The following SASH1 variants were observed in gnomAD, a reference collection of about 807,000 sequenced individuals.
The protein encoded by SASH1 is SAM and SH3 domain containing 1, also known as SAM and SH3 domain-containing protein 1.
SASH1 carries 44 observed loss-of-function variants against 125.2 expected under a neutral mutation model. That is an observed-to-expected ratio of 0.35 (90% CI 0.28 to 0.45). The LOEUF is 0.45. Among genes scored for constraint, SASH1 ranks in the 20% least tolerant of loss-of-function variants. SASH1 has a pLI of 1.00. For missense variants in SASH1, 1,426 were observed against 1,614.5 expected (o/e 0.88, Z 2.00); for synonymous variants, 639 against 649.1 (o/e 0.98, Z 0.24).
the SASH1 span, among the ~76,000 whole-genome samples, chr6:148,208,842 T>C: frequency 6.6e-6 from 1 of 152,200 alleles, no homozygotes; most frequent in Non-Finnish European, 1.5e-5. Context: ...CTGAATACGG[T>C]TACTAATAAG....
intron 4 of SASH1, among the ~76,000 whole-genome samples, chr6:148,461,967 A>G (rs754362619): frequency 1.1e-4 from 17 of 152,308 alleles, no homozygotes; most frequent in Non-Finnish European, 1.6e-4. Context: ...AAGCCCTTCA[A>G]CCTTTTAACC....
At chr6:148,385,210 T>C (rs1349823580) in intron 1 of SASH1, among the ~76,000 whole-genome samples, 1 of 152,120 alleles carries the variant, frequency 6.6e-6, no homozygotes, top group African/African-American at 2.4e-5. Flanking sequence ...TTATGGCATG[T>C]TGTAGGGTGT....
intron 1 of SASH1, among the ~76,000 whole-genome samples, chr6:148,296,646 C>T (rs919972652): frequency 5.3e-5 from 8 of 152,102 alleles, no homozygotes; most frequent in South Asian, 2.1e-4. Context: ...CTGCTCTGTC[C>T]GACTCAAAAG....
At chr6:148,429,410 A>G (rs913341050) in intron 2 of SASH1, among the ~76,000 whole-genome samples, 2 of 126,366 alleles carry the variant, frequency 1.6e-5, no homozygotes, top group East Asian at 4.9e-4. Context: ...AAAAAAAAAA[A>G]AAGAGGAAGG....
At chr6:148,417,582 A>AAAAAAAAAAAAAAAT (rs139692415) in intron 2 of SASH1, among the ~76,000 whole-genome samples, 3 of 147,694 alleles carry the variant, frequency 2.0e-5, no homozygotes, top group African/African-American at 7.5e-5. Context: ...GGACTCTGTC[A>AAAAAAAAAAAAAAAT]AAATAAATAA....
chr6:148,519,864 A>G lies in SASH1; in HGVS notation c.1180A>G (p.Lys394Glu). ...VSRSLTEGEM[K>E]KGLGSLSHGR... is the part of the protein sequence containing the mutation. The stretch of plus-strand genomic sequence containing the variant: ...CCGCTCCCTCACCGAGGGGGAGATG[A>G]AGAAGGGTCTCGGGTCCCTAAGCCA... The change falls in exon 10 of 20, where the codon AAG becomes GAG. Residue 394 changes from lysine (K) to glutamate (E), a missense_variant. Transcript: ENST00000367467. This position sits in a 1 kb window ranked among gnomAD's most constrained non-coding sequence, Gnocchi z 4.8. The G allele has an allele frequency of 6.3e-7, 1 of 1,595,508 alleles. No individual in the cohort carries two copies. The highest frequency in any genetic ancestry group is 8.5e-7 in the Non-Finnish European group (1 of 1,172,084).
Position 148,550,873 on chromosome 6 carries a change from G to A in SASH1, c.*2315G>A, listed in dbSNP as rs1424653471. 4.6e-5 allele frequency: 7 copies of A among 152,278 alleles called. No individual in the cohort carries two copies. The highest frequency in any genetic ancestry group is 7.2e-5 in the African/African-American group (3 of 41,452). The allele number at this position is 152,278 out of a possible 1,614,324, so 9.4% of individuals were successfully genotyped here. A position where few individuals can be genotyped will look rare whatever the true frequency, so the allele number is the denominator to read the frequency against. On this transcript the variant is annotated 3_prime_UTR_variant, in exon 20 of 20. Transcript: ENST00000367467. ...GTAAGAGATGAGATAACAAAGGAGC[G>A]AGAGAAATCTCATGTGAATTTCCAA...
intron 1 of SASH1, among the ~76,000 whole-genome samples, chr6:148,360,755 G>A (rs1424148520): frequency 6.6e-6 from 1 of 152,090 alleles, no homozygotes; most frequent in Non-Finnish European, 1.5e-5. Flanking sequence ...TATGGAGCAT[G>A]GACTATGTGT....
At chr6:148,513,351 G>A (rs777390722) in intron 8 of SASH1, 603 of 985,352 alleles carry the variant, frequency 6.1e-4, no homozygotes, top group Non-Finnish European at 6.8e-4. Context: ...AGGGTGTGCC[G>A]AGGCGGCTGC....
chr6:148,365,284 CA>C (rs1583029048), intron 1 of SASH1, among the ~76,000 whole-genome samples: 1 of 152,274 alleles, frequency 6.6e-6, no homozygotes, highest in African/African-American at 2.4e-5. Context: ...GTTGACATTG[CA>C]AAATCAGTAT....
intron 8 of SASH1, among the ~76,000 whole-genome samples, chr6:148,497,074 A>G (rs1270032451): frequency 1.3e-5 from 2 of 152,150 alleles, no homozygotes; most frequent in Non-Finnish European, 1.5e-5. Context: ...TGATTCTGAA[A>G]CTAAAATGAT....
intron 1 of SASH1, among the ~76,000 whole-genome samples, chr6:148,354,776 C>T (rs183729222): frequency 1.3e-5 from 2 of 152,070 alleles, no homozygotes; most frequent in East Asian, 3.9e-4. Flanking sequence ...ATTTTATTTT[C>T]CCGCGAGATG....
At chr6:148,249,092 A>ATGAG in the SASH1 span, among the ~76,000 whole-genome samples, 2 of 151,566 alleles carry the variant, frequency 1.3e-5, no homozygotes, top group African/African-American at 4.9e-5. Context: ...GAATGAATGA[A>ATGAG]TGAGTGACTA....
chr6:148,217,212 C>T, the SASH1 span, among the ~76,000 whole-genome samples: 2 of 152,330 alleles, frequency 1.3e-5, no homozygotes, highest in South Asian at 4.1e-4. Flanking sequence ...TGAATAGCAA[C>T]CTAGACAGAC....
chr6:148,356,547 T>TCAAAC, intron 1 of SASH1, among the ~76,000 whole-genome samples: 1 of 142,244 alleles, frequency 7.0e-6, no homozygotes, highest in African/African-American at 2.6e-5. Context: ...TTGGCTCACC[T>TCAAAC]CAAACTCTGC....
At chr6:148,280,092 GA>G (rs1000872388) in intron 1 of SASH1, among the ~76,000 whole-genome samples, 8 of 123,008 alleles carry the variant, frequency 6.5e-5, no homozygotes, top group African/African-American at 1.6e-4. Flanking sequence ...CATAACAAAA[GA>G]AAAAAAAGAT....
At chr6:148,199,594 A>G in the SASH1 span, among the ~76,000 whole-genome samples, 88 of 152,152 alleles carry the variant, frequency 5.8e-4, no homozygotes, top group African/African-American at 2.1e-3. Flanking sequence ...GCTATTCGGC[A>G]GGCGGAGGCA....
chr6:148,491,290 G>A (rs1779096204), intron 8 of SASH1, among the ~76,000 whole-genome samples: 1 of 152,128 alleles, frequency 6.6e-6, no homozygotes, highest in African/African-American at 2.4e-5. Flanking sequence ...TTGTTGTTGA[G>A]ACGGAGTCTC....
chr6:148,548,084 G>A (rs1000817898), intron 19 of SASH1, among the ~76,000 whole-genome samples: 1 of 152,164 alleles, frequency 6.6e-6, no homozygotes, highest in African/African-American at 2.4e-5. Context: ...CAACACCTTC[G>A]AGAACCTTGT....
Sources: allele counts gnomAD v4.1 joint callset (sites outside exome capture counted in the v4.1 genomes callset), GRCh38; gene constraint gnomAD v4.1.1; non-coding constraint Gnocchi (gnomAD v3.1); transcripts MANE v1.5; gene names NCBI Gene and HGNC (gene_info 2026-07-23, HGNC 2026-07-21).